ADAMTSL1: variants seen among roughly 807,000 people sequenced by gnomAD.
ADAMTSL1 encodes ADAMTS like 1.
A neutral mutation model predicts 201.8 loss-of-function variants in ADAMTSL1; 126 were observed. The ratio of observed to expected loss-of-function variants is 0.62; its 90% CI spans 0.54 to 0.72. The LOEUF (loss-of-function observed/expected upper bound fraction) is 0.72. Ranked by LOEUF, ADAMTSL1 falls within the 30% of genes least tolerant of loss-of-function variation. ADAMTSL1 has a pLI of 0.00. For missense variants in ADAMTSL1, 2,679 were observed against 2,277.8 expected (o/e 1.18, Z -3.59); for synonymous variants, 1,121 against 903.4 (o/e 1.24, Z -4.32).
At position 18,773,790 on chromosome 9, in the gene ADAMTSL1, T is replaced by G. The variant is rs373580634; in HGVS notation, c.2398-1953T>G. ...TGAAACTCTGTTTTTATGTTTCTAC[T>G]TAGCAGCCTTAAAACGACCATGCTC... On this transcript the variant is annotated intron_variant, in intron 17 of 28. Transcript: ENST00000380548. Among the ~76,000 whole-genome samples the G allele has an allele frequency of 5.9e-5, 9 of 152,346 alleles. No individual in the cohort carries two copies. In the East Asian group the frequency reaches 1.5e-3, roughly 26 times the overall value.
At chr9:18,829,385 G>A (rs183196414) in intron 22 of ADAMTSL1, among the ~76,000 whole-genome samples, 186 of 152,266 alleles carry the variant, frequency 1.2e-3, no homozygotes, top group Non-Finnish European at 1.0e-3. Context: ...AGAAATTCCC[G>A]TGGTGTTTAT....
At chr9:18,200,137 T>TA (rs1382271145) in intron 2 of ADAMTSL1, among the ~76,000 whole-genome samples, 2 of 151,880 alleles carry the variant, frequency 1.3e-5, no homozygotes, top group Admixed American at 1.3e-4. Context: ...AGTGAATACT[T>TA]AAAAAAATGA....
At chr9:18,596,585 A>G (rs889731588) in intron 4 of ADAMTSL1, among the ~76,000 whole-genome samples, 1 of 152,180 alleles carries the variant, frequency 6.6e-6, no homozygotes, top group Non-Finnish European at 1.5e-5. Flanking sequence ...AGCATATGCC[A>G]GGCACTGTGC....
rs370667760 is a variant in ADAMTSL1 at position 18,003,796 on chromosome 9, C to G, written c.87+96874C>G. ...GAAACGAATGAGCCTTCTGTGCAGTCCAGCCTTACCATATGAAATAAAACT... is the reference window on the plus strand; with the variant it reads ...GAAACGAATGAGCCTTCTGTGCAGTGCAGCCTTACCATATGAAATAAAACT... On this transcript the variant is annotated intron_variant, in intron 1 of 29. Coordinates refer to the ADAMTSL1 transcript ENST00000680146. Among the ~76,000 whole-genome samples, 6 of 152,156 alleles carry G rather than the reference C, an allele frequency of 3.9e-5. No individual in the cohort carries two copies. In the East Asian group the frequency reaches 7.8e-4, roughly 20 times the overall value.
At chr9:18,499,441 A>G (rs1399390005) in intron 1 of ADAMTSL1, among the ~76,000 whole-genome samples, 2 of 152,226 alleles carry the variant, frequency 1.3e-5, no homozygotes, top group Non-Finnish European at 2.9e-5. Context: ...GATAAGATTT[A>G]TAGAGACCTG....
chr9:18,310,843 T>G (rs202108403), intron 2 of ADAMTSL1, among the ~76,000 whole-genome samples: 3 of 152,054 alleles, frequency 2.0e-5, no homozygotes, highest in Admixed American at 2.0e-4. Flanking sequence ...ACTCAGCAAT[T>G]CCATTACTGG....
chr9:18,617,529 G>A (rs553229894), intron 4 of ADAMTSL1, among the ~76,000 whole-genome samples: 6 of 151,702 alleles, frequency 4.0e-5, no homozygotes, highest in Admixed American at 3.9e-4. Flanking sequence ...TCGGGGGGCA[G>A]TTCTCTCCCT....
intron 2 of ADAMTSL1, among the ~76,000 whole-genome samples, chr9:18,426,698 C>G (rs1214731186): frequency 6.6e-6 from 1 of 151,928 alleles, no homozygotes; most frequent in Non-Finnish European, 1.5e-5. Context: ...CACCATTAAC[C>G]AAGAAGCCAT....
chr9:17,957,825 A>G (rs1382585870), intron 1 of ADAMTSL1, among the ~76,000 whole-genome samples: 1 of 152,146 alleles, frequency 6.6e-6, no homozygotes, highest in Non-Finnish European at 1.5e-5. Flanking sequence ...ACAAGCCAAG[A>G]GATGCTAAGG....
At chr9:17,992,222 G>A (rs1819185234) in intron 1 of ADAMTSL1, among the ~76,000 whole-genome samples, 1 of 152,098 alleles carries the variant, frequency 6.6e-6, no homozygotes, top group Admixed American at 6.6e-5. Flanking sequence ...GTTGGGGGTA[G>A]GGCAGAGGTC....
chr9:18,603,574 C>T (rs1260308263), intron 4 of ADAMTSL1, among the ~76,000 whole-genome samples: 1 of 152,178 alleles, frequency 6.6e-6, no homozygotes, highest in Non-Finnish European at 1.5e-5. Context: ...TCATTCCATA[C>T]CTCCTCAACA....
At chr9:18,420,138 C>T (rs1156670670) in intron 2 of ADAMTSL1, among the ~76,000 whole-genome samples, 4 of 152,184 alleles carry the variant, frequency 2.6e-5, no homozygotes, top group African/African-American at 7.2e-5. Flanking sequence ...GCATTACTTT[C>T]GCCATTACTT....
chr9:17,945,167 A>G (rs1231480753), intron 1 of ADAMTSL1, among the ~76,000 whole-genome samples: 2 of 139,552 alleles, frequency 1.4e-5, no homozygotes, highest in Non-Finnish European at 3.1e-5. Context: ...ACATGAACAG[A>G]CACTTCTCAA....
chr9:18,841,930 TC>T (rs1393988596), intron 23 of ADAMTSL1, among the ~76,000 whole-genome samples: 3 of 152,112 alleles, frequency 2.0e-5, no homozygotes, highest in African/African-American at 7.2e-5. Flanking sequence ...TTCTCTCTTT[TC>T]TTCTTTATTA....
intron 2 of ADAMTSL1, among the ~76,000 whole-genome samples, chr9:18,275,497 T>G (rs1383137642): frequency 6.6e-6 from 1 of 152,176 alleles, no homozygotes; most frequent in Non-Finnish European, 1.5e-5. Flanking sequence ...CTTATTCTAC[T>G]TACCAGTCAT....
intron 16 of ADAMTSL1, among the ~76,000 whole-genome samples, chr9:18,753,740 G>A (rs191071697): frequency 7.2e-5 from 11 of 152,128 alleles, no homozygotes; most frequent in Non-Finnish European, 1.6e-4. Flanking sequence ...CAATGCAGAT[G>A]ACCCATCTGT....
intron 1 of ADAMTSL1, among the ~76,000 whole-genome samples, chr9:17,972,166 T>G (rs546354652): frequency 8.1e-4 from 122 of 151,364 alleles, no homozygotes; most frequent in African/African-American, 2.9e-3. Flanking sequence ...AATTTTTTTA[T>G]TTTATTATTA....
chr9:17,933,564 A>G (rs1416303199), intron 1 of ADAMTSL1, among the ~76,000 whole-genome samples: 2 of 152,118 alleles, frequency 1.3e-5, no homozygotes, highest in African/African-American at 4.8e-5. Flanking sequence ...AATGCCCAAG[A>G]CTGAGTAATT....
At chr9:18,581,631 T>A (rs1466669785) in intron 4 of ADAMTSL1, among the ~76,000 whole-genome samples, 1 of 152,190 alleles carries the variant, frequency 6.6e-6, no homozygotes, top group Non-Finnish European at 1.5e-5. Context: ...TCTCCATCTG[T>A]GCACATTTGA....
Sources: gnomAD v4.1 joint callset for allele counts (sites outside exome capture counted in the v4.1 genomes callset) on GRCh38, gnomAD v4.1.1 for gene constraint, MANE v1.5 for transcripts, NCBI Gene and HGNC (gene_info 2026-07-23, HGNC 2026-07-21) for gene names.